PLEKHM3: variants seen among roughly 807,000 people sequenced by gnomAD.
The protein encoded by PLEKHM3 is pleckstrin homology domain containing M3, also known as pleckstrin homology domain-containing family M member 3.
In PLEKHM3, 45 loss-of-function variants were observed where a neutral mutation model predicts 81.8. The observed-to-expected ratio is 0.55, with a 90% CI of 0.43 to 0.71. The LOEUF is 0.71. Among genes scored for constraint, PLEKHM3 ranks in the 30% least tolerant of loss-of-function variants. The probability of loss-of-function intolerance (pLI) is 0.00; values close to 1 mark genes in which losing one functional copy is unlikely to be tolerated. For missense variants in PLEKHM3, 788 were observed against 924.3 expected (o/e 0.85, Z 1.91); for synonymous variants, 352 against 356.4 (o/e 0.99, Z 0.14).
intron 3 of PLEKHM3, among the ~76,000 whole-genome samples, chr2:207,949,286 A>G (rs1038141285): frequency 6.6e-6 from 1 of 152,216 alleles, no homozygotes; most frequent in African/African-American, 2.4e-5. Context: ...AGTAGCTCAC[A>G]CTTGTAATCC....
intron 5 of PLEKHM3, among the ~76,000 whole-genome samples, chr2:207,914,253 C>G (rs1003038434): frequency 6.6e-6 from 1 of 151,648 alleles, no homozygotes; most frequent in African/African-American, 2.4e-5. Context: ...CCCAGCACTT[C>G]GGGAGGCCAA....
intron 5 of PLEKHM3, among the ~76,000 whole-genome samples, chr2:207,918,873 G>A (rs1421673553): frequency 6.6e-6 from 1 of 152,166 alleles, no homozygotes; most frequent in East Asian, 1.9e-4. Context: ...CAGTGCATGT[G>A]GCTGCATAGG....
At chr2:207,904,441 C>T (rs974280288) in intron 6 of PLEKHM3, among the ~76,000 whole-genome samples, 1 of 152,120 alleles carries the variant, frequency 6.6e-6, no homozygotes, top group African/African-American at 2.4e-5. Flanking sequence ...TATGGCTAAA[C>T]GCTACCAACT....
intron 1 of PLEKHM3, among the ~76,000 whole-genome samples, chr2:208,003,218 C>A (rs932111471): frequency 1.3e-5 from 2 of 152,194 alleles, no homozygotes; most frequent in African/African-American, 2.4e-5. Flanking sequence ...GTGACACGTG[C>A]CTTTCACCTT....
intron 3 of PLEKHM3, among the ~76,000 whole-genome samples, chr2:207,975,761 G>T (rs1006663747): frequency 6.6e-6 from 1 of 151,280 alleles, no homozygotes; most frequent in Non-Finnish European, 1.5e-5. Flanking sequence ...CAAGCCTGAC[G>T]AATTTTTGCA....
At chr2:207,840,116 T>G (rs889349274) in intron 7 of PLEKHM3, among the ~76,000 whole-genome samples, 2 of 152,210 alleles carry the variant, frequency 1.3e-5, no homozygotes, top group African/African-American at 4.8e-5. Context: ...GCTCTTATTT[T>G]TCATATAATA....
chr2:207,893,979 TG>T (rs1688144075), intron 6 of PLEKHM3, among the ~76,000 whole-genome samples: 4 of 152,020 alleles, frequency 2.6e-5, no homozygotes, highest in African/African-American at 7.2e-5. Context: ...TAGCTGGGTG[TG>T]GTGGCGCACA....
At chr2:207,946,282 G>T in intron 4 of PLEKHM3, 85 bp downstream of exon 4, 1 of 1,455,056 alleles carries the variant, frequency 6.9e-7, no homozygotes, top group Non-Finnish European at 9.4e-7. Context: ...GCTTCAAATT[G>T]TTTGATCACC....
chr2:207,985,984 T>C (rs1691705493), intron 2 of PLEKHM3, among the ~76,000 whole-genome samples: 1 of 85,050 alleles, frequency 1.2e-5, no homozygotes, highest in South Asian at 3.2e-4. Flanking sequence ...CGAGACTCCG[T>C]CTCAAAAAAA....
chr2:207,905,845 G>A (rs1045143310), intron 6 of PLEKHM3, among the ~76,000 whole-genome samples: 2 of 152,052 alleles, frequency 1.3e-5, no homozygotes, highest in African/African-American at 4.8e-5. Context: ...GGGGCTCCAG[G>A]GGCTAATGGC....
intron 1 of PLEKHM3, among the ~76,000 whole-genome samples, chr2:208,019,033 C>G (rs1010374757): frequency 6.6e-6 from 1 of 151,860 alleles, no homozygotes; most frequent in Non-Finnish European, 1.5e-5. Flanking sequence ...GGTGTGGTGG[C>G]TCACACCTGT....
chr2:207,872,781 C>T (rs898671731), intron 6 of PLEKHM3, among the ~76,000 whole-genome samples: 2 of 152,186 alleles, frequency 1.3e-5, no homozygotes, highest in Non-Finnish European at 2.9e-5. Context: ...GAGCCAAGAT[C>T]GCGCCAGTGT....
chr2:208,016,986 C>G (rs1692944616), intron 1 of PLEKHM3, among the ~76,000 whole-genome samples: 1 of 152,184 alleles, frequency 6.6e-6, no homozygotes, highest in Non-Finnish European at 1.5e-5. Context: ...TACGCACATC[C>G]TCCTGTAAGT....
chr2:207,901,457 CT>C, intron 6 of PLEKHM3: 1 of 650,658 alleles, frequency 1.5e-6, no homozygotes, highest in South Asian at 1.8e-5. Flanking sequence ...GACATCAAGA[CT>C]GAAAGTGAGA....
intron 7 of PLEKHM3, among the ~76,000 whole-genome samples, chr2:207,829,316 C>T (rs2092271438): frequency 6.6e-6 from 1 of 152,102 alleles, no homozygotes; most frequent in South Asian, 2.1e-4. Flanking sequence ...CTCTGTCACC[C>T]AGGCTGAAGT....
At chr2:207,902,056 T>C (rs1688447933) in intron 6 of PLEKHM3, among the ~76,000 whole-genome samples, 2 of 152,190 alleles carry the variant, frequency 1.3e-5, no homozygotes, top group African/African-American at 4.8e-5. Context: ...TCAGGGCTGC[T>C]GAGAAGCTAT....
In PLEKHM3 at chr2:208,001,107, A is replaced by G. The variant is rs774315704; in HGVS notation, c.533T>C (p.Leu178Pro). 1.2e-5 allele frequency: 19 copies of G among 1,590,710 alleles called. No homozygotes were observed. The highest frequency in any genetic ancestry group is 1.6e-5 in the Non-Finnish European group (19 of 1,168,478). Residue 178 changes from leucine (L) to proline (P), a missense_variant, in exon 2 of 8, where the codon CTT becomes CCT. Leu to Pro is a moderately conservative substitution (Grantham distance 98). Transcript: ENST00000427836. ...TGGCCTGGTGACATGCGGGCCTTGA[A>G]GCAATGGCTGCTGCTGTTGCTGCTG... The part of the protein sequence containing the change: ...LQQQQQQQPL[L>P]QGPHVTRPSF...
At chr2:207,874,314 C>T (rs1255102442) in intron 6 of PLEKHM3, among the ~76,000 whole-genome samples, 3 of 152,266 alleles carry the variant, frequency 2.0e-5, no homozygotes, top group Non-Finnish European at 4.4e-5. Flanking sequence ...GTGGCTCACA[C>T]CTGTAATCCC....
rs748187802 is a variant in PLEKHM3 at position 207,977,323 on chromosome 2, A to AG, written c.873_874insC (p.Ser292LeufsTer29). On this transcript the variant is annotated frameshift_variant, in exon 3 of 8. Coordinates refer to ENST00000427836, the MANE Select transcript of PLEKHM3 (RefSeq NM_001080475.3). LOFTEE classifies it high-confidence loss of function. ...CCCCAGTCCAAAGCCTCCCATGGTG[A>AG]CTCTGCCTTTAGCTGTAGCTGAGTG... 1.9e-6 allele frequency: 3 copies of AG among 1,614,032 alleles called. No individual in the cohort carries two copies. The highest frequency in any genetic ancestry group is 2.5e-6 in the Non-Finnish European group (3 of 1,180,002).
Sources: allele counts gnomAD v4.1 joint callset (sites outside exome capture counted in the v4.1 genomes callset), GRCh38; gene constraint gnomAD v4.1.1; transcripts MANE v1.5; gene names NCBI Gene and HGNC (gene_info 2026-07-23, HGNC 2026-07-21).